The following PRKCI variants were observed in gnomAD, a reference collection of about 807,000 sequenced individuals.
The protein encoded by PRKCI is protein kinase C iota, also known as protein kinase C iota type.
Under a neutral mutation model 84.0 loss-of-function variants are expected in PRKCI, and 43 were observed. That is an observed-to-expected ratio of 0.51 (90% CI 0.40 to 0.66). PRKCI has a LOEUF of 0.66. Among genes scored for constraint, PRKCI ranks in the 30% least tolerant of loss-of-function variants. The probability of loss-of-function intolerance (pLI) is 0.00; values close to 1 mark genes in which losing one functional copy is unlikely to be tolerated. For missense variants in PRKCI, 459 were observed against 745.6 expected (o/e 0.62, Z 4.48); for synonymous variants, 216 against 234.4 (o/e 0.92, Z 0.72).
At chr3:170,251,001 C>G (rs1353848974) in intron 2 of PRKCI, among the ~76,000 whole-genome samples, 1 of 152,110 alleles carries the variant, frequency 6.6e-6, no homozygotes, top group Non-Finnish European at 1.5e-5. Context: ...CAGTAACTTT[C>G]CTTCCTACAG....
intron 2 of PRKCI, among the ~76,000 whole-genome samples, chr3:170,248,024 G>A (rs1733333922): frequency 6.6e-6 from 1 of 152,158 alleles, no homozygotes. Context: ...AGGCAGGATG[G>A]CAGTACGAAG....
intron 3 of PRKCI, among the ~76,000 whole-genome samples, chr3:170,260,864 G>A (rs7620870): frequency 0.081 from 12,345 of 152,210 alleles, 1,203 homozygotes; most frequent in African/African-American, 0.23. Flanking sequence ...TAACTGGCAC[G>A]TTGTAGACCT....
At chr3:170,259,208 A>G (rs1489007712) in intron 2 of PRKCI, among the ~76,000 whole-genome samples, 3 of 152,186 alleles carry the variant, frequency 2.0e-5, no homozygotes, top group African/African-American at 7.2e-5. Context: ...GATATATACA[A>G]TGTTAAGAAC....
chr3:170,282,590 A>G (rs1036114675), intron 11 of PRKCI, among the ~76,000 whole-genome samples: 5 of 150,816 alleles, frequency 3.3e-5, no homozygotes, highest in African/African-American at 1.2e-4. Flanking sequence ...CCAGCTACTC[A>G]GGAGGCTGAG....
At chr3:170,285,916 A>AT (rs553916153) in intron 12 of PRKCI, among the ~76,000 whole-genome samples, 6,576 of 131,474 alleles carry the variant, frequency 0.05, 490 homozygotes, top group African/African-American at 0.17. Context: ...GCTAATTTTA[A>AT]TTTTTTTTTT....
chr3:170,237,956 T>C (rs963943822), intron 2 of PRKCI, among the ~76,000 whole-genome samples: 29 of 152,314 alleles, frequency 1.9e-4, no homozygotes, highest in African/African-American at 7.0e-4. Context: ...AATTCTTTAT[T>C]AACAGTTTTA....
At chr3:170,262,020 G>A (rs1229947107) in intron 3 of PRKCI, among the ~76,000 whole-genome samples, 1 of 152,096 alleles carries the variant, frequency 6.6e-6, no homozygotes, top group African/African-American at 2.4e-5. Context: ...TTACGTTTCA[G>A]CTTTTAAAAA....
chr3:170,239,037 T>G (rs931287012), intron 2 of PRKCI, among the ~76,000 whole-genome samples: 2 of 152,234 alleles, frequency 1.3e-5, no homozygotes, highest in Non-Finnish European at 2.9e-5. Flanking sequence ...TCAAAACATA[T>G]GTATATCAAA....
chr3:170,282,115 T>C, intron 11 of PRKCI, 147 bp downstream of exon 11: 1 of 728,592 alleles, frequency 1.4e-6, no homozygotes, highest in South Asian at 2.4e-5. Context: ...AAAAGTTAAT[T>C]TACATTATAT....
In PRKCI at chr3:170,268,747, C is replaced by A. The variant is rs527806387; in HGVS notation, c.450+747C>A. 4.3e-4 allele frequency among the ~76,000 whole-genome samples: 66 copies of A among 152,146 alleles called. 2 individuals carry two copies. The South Asian group carries it at 0.013, about 30-fold the overall frequency. ...CTTATATACATTGATTCATTTCATC[C>A]TTACAACAACCCTGTAAGATAGGTA... On this transcript the variant is annotated intron_variant, in intron 5 of 17. Coordinates refer to ENST00000295797, the MANE Select transcript of PRKCI (RefSeq NM_002740.6).
At chr3:170,272,419 TTTAA>T (rs1170813304) in intron 6 of PRKCI, among the ~76,000 whole-genome samples, 3 of 152,202 alleles carry the variant, frequency 2.0e-5, no homozygotes, top group African/African-American at 7.2e-5. Context: ...TATTAGAATC[TTTAA>T]TTAGTTCATA....
At chr3:170,295,083 G>A (rs1238134306) in intron 14 of PRKCI, among the ~76,000 whole-genome samples, 1 of 151,366 alleles carries the variant, frequency 6.6e-6, no homozygotes, top group South Asian at 2.1e-4. Flanking sequence ...GTCGTGGCGG[G>A]CACCTGTAAT....
intron 5 of PRKCI, among the ~76,000 whole-genome samples, chr3:170,268,587 C>G (rs918078007): frequency 1.7e-4 from 26 of 150,834 alleles, no homozygotes; most frequent in Non-Finnish European, 1.5e-5. Context: ...AACCAGAAAA[C>G]AAGCAAGGTT....
chr3:170,269,958 C>CA (rs550260990), intron 5 of PRKCI, among the ~76,000 whole-genome samples: 162 of 132,684 alleles, frequency 1.2e-3, no homozygotes, highest in Middle Eastern at 7.8e-3. Context: ...AACTCTGTCT[C>CA]AAAAAAAAAA....
intron 16 of PRKCI, among the ~76,000 whole-genome samples, chr3:170,298,222 C>A (rs1412787739): frequency 6.6e-6 from 1 of 151,696 alleles, no homozygotes; most frequent in Non-Finnish European, 1.5e-5. Flanking sequence ...TTATTAAGGC[C>A]CATATCAATG....
rs548922792 is a variant in PRKCI at position 170,278,610 on chromosome 3, C to T, written c.706-1617C>T. Among the ~76,000 whole-genome samples, 20 of 152,262 alleles carry T rather than the reference C, an allele frequency of 1.3e-4. No individual in the cohort carries two copies. The South Asian group carries it at 3.3e-3, about 25-fold the overall frequency. On this transcript the variant is annotated intron_variant, in intron 8 of 17. Transcript: ENST00000295797. ...GTTCATGGCTGCAGTGAGCTATGTT[C>T]GTGCCACTGCACTGCAGCCTGGGTG... is the stretch of plus-strand genomic sequence containing the variant.
intron 11 of PRKCI, among the ~76,000 whole-genome samples, chr3:170,283,612 A>G (rs1734307721): frequency 6.6e-6 from 1 of 152,230 alleles, no homozygotes; most frequent in Non-Finnish European, 1.5e-5. Flanking sequence ...TTGTGAACAT[A>G]GCCAATATTT....
At chr3:170,258,999 C>A (rs1214863661) in intron 2 of PRKCI, among the ~76,000 whole-genome samples, 1 of 152,120 alleles carries the variant, frequency 6.6e-6, no homozygotes, top group South Asian at 2.1e-4. Flanking sequence ...TGGTCAGTAG[C>A]CAGGCATGGT....
chr3:170,253,853 T>G (rs1733513572), intron 2 of PRKCI, among the ~76,000 whole-genome samples: 1 of 151,624 alleles, frequency 6.6e-6, no homozygotes, highest in African/African-American at 2.4e-5. Flanking sequence ...TCCCACCACT[T>G]TGGGAGGCCG....
Sources: allele counts gnomAD v4.1 joint callset (sites outside exome capture counted in the v4.1 genomes callset), GRCh38; gene constraint gnomAD v4.1.1; transcripts MANE v1.5; gene names NCBI Gene and HGNC (gene_info 2026-07-23, HGNC 2026-07-21).